The following PPM1H variants were observed in gnomAD, a reference collection of about 807,000 sequenced individuals.
PPM1H encodes the protein protein phosphatase 1H.
A neutral mutation model predicts 54.9 loss-of-function variants in PPM1H; 27 were observed. That is an observed-to-expected ratio of 0.49 (90% CI 0.36 to 0.68). The LOEUF (loss-of-function observed/expected upper bound fraction) is 0.68. Among genes scored for constraint, PPM1H ranks in the 30% least tolerant of loss-of-function variants. The pLI, the probability that PPM1H is intolerant of heterozygous loss-of-function variation, is 0.00. For synonymous variants in PPM1H, 305 were observed against 270.8 expected (o/e 1.13, Z -1.24); for missense variants, 596 against 667.8 (o/e 0.89, Z 1.19).
chr12:62,859,919 G>A lies in PPM1H; in HGVS notation c.246-27640C>T, dbSNP rs565780606. On this transcript the variant is annotated intron_variant, in intron 1 of 9. Coordinates refer to ENST00000228705, the MANE Select transcript of PPM1H (RefSeq NM_020700.2). ...ACAGAATTAAAAAGGAATACAGCAT[G>A]CGCTAACAGAGAACATTATAAACCC... Among the ~76,000 whole-genome samples the A allele has an allele frequency of 3.9e-5, 6 of 152,322 alleles. 1 individual carries two copies. The South Asian group carries it at 6.2e-4, about 16-fold the overall frequency.
intron 4 of PPM1H, among the ~76,000 whole-genome samples, chr12:62,785,324 G>C (rs1438862954): frequency 1.3e-5 from 2 of 152,154 alleles, no homozygotes; most frequent in Non-Finnish European, 2.9e-5. Flanking sequence ...CTACCGGCGT[G>C]TGCCGCCACA....
intron 1 of PPM1H, among the ~76,000 whole-genome samples, chr12:62,874,444 A>G (rs900744983): frequency 7.2e-5 from 11 of 152,308 alleles, no homozygotes; most frequent in African/African-American, 2.4e-4. Context: ...CAGGGCATAC[A>G]TCTAAAGTCA....
At chr12:62,892,380 G>C (rs1281161222) in intron 1 of PPM1H, among the ~76,000 whole-genome samples, 1 of 152,078 alleles carries the variant, frequency 6.6e-6, no homozygotes, top group East Asian at 1.9e-4. Context: ...TGCATAATTT[G>C]TCACCTAGGA....
At chr12:62,906,917 T>G (rs559938242) in intron 1 of PPM1H, among the ~76,000 whole-genome samples, 18 of 152,326 alleles carry the variant, frequency 1.2e-4, no homozygotes, top group Admixed American at 2.0e-4. Context: ...TCTGAAATGA[T>G]GAAGAATATA....
At chr12:62,664,333 T>C (rs999833243) in intron 9 of PPM1H, among the ~76,000 whole-genome samples, 1 of 152,238 alleles carries the variant, frequency 6.6e-6, no homozygotes, top group African/African-American at 2.4e-5. Flanking sequence ...TGTATTATTA[T>C]TCAGGCCCAG....
chr12:62,861,366 G>T (rs756207639), intron 1 of PPM1H, among the ~76,000 whole-genome samples: 9 of 152,160 alleles, frequency 5.9e-5, no homozygotes, highest in Non-Finnish European at 1.2e-4. Flanking sequence ...TCAAGTCCTG[G>T]AAACAGTAAG....
chr12:62,772,655 TCTGTGATGTGCTAAAACC>T (rs1266504589), intron 4 of PPM1H, among the ~76,000 whole-genome samples: 1 of 152,012 alleles, frequency 6.6e-6, no homozygotes, highest in African/African-American at 2.4e-5. Context: ...CAACTCTAGA[TCTGTGATGTGCTAAAACC>T]CTTATGAAGG....
chr12:62,678,727 G>C (rs1217553891), intron 8 of PPM1H, among the ~76,000 whole-genome samples: 4 of 151,568 alleles, frequency 2.6e-5, no homozygotes, highest in Non-Finnish European at 5.9e-5. Flanking sequence ...GTCTTACTCT[G>C]TTGCTCAGGC....
intron 4 of PPM1H, among the ~76,000 whole-genome samples, chr12:62,754,638 G>T (rs1009757986): frequency 1.3e-5 from 2 of 152,194 alleles, no homozygotes; most frequent in Non-Finnish European, 2.9e-5. Flanking sequence ...GCAGTCACTG[G>T]TGGTCTACCT....
In PPM1H at chr12:62,902,355, AAAT is replaced by A. The variant is rs903508211; in HGVS notation, c.245+32134_245+32136del. On this transcript the variant is annotated intron_variant, in intron 1 of 9. Coordinates refer to ENST00000228705, the MANE Select transcript of PPM1H (RefSeq NM_020700.2). ...GGCAAAAGAGCAAGACTCCAACTCA[AAAT>A]AATAATAATAATAATAATAAAATAA... 7.9e-4 allele frequency among the ~76,000 whole-genome samples: 119 copies of A among 151,448 alleles called. 2 individuals are homozygous for A. Among genetic ancestry groups the A allele is most frequent in the African/African-American group, 2.6e-3 (106 of 41,404 alleles).
chr12:62,811,866 G>A (rs956962202), intron 2 of PPM1H, among the ~76,000 whole-genome samples: 5 of 152,136 alleles, frequency 3.3e-5, no homozygotes, highest in African/African-American at 1.2e-4. Context: ...CCAATCTCTG[G>A]TATGTCTCAG....
chr12:62,736,147 G>T (rs963188757), intron 5 of PPM1H, among the ~76,000 whole-genome samples: 3 of 152,242 alleles, frequency 2.0e-5, no homozygotes, highest in Non-Finnish European at 4.4e-5. Flanking sequence ...ACAGGTGGCA[G>T]AGAGGCTAGC....
At chr12:62,922,443 T>C (rs180689142) in intron 1 of PPM1H, among the ~76,000 whole-genome samples, 1 of 152,274 alleles carries the variant, frequency 6.6e-6, no homozygotes, top group East Asian at 1.9e-4. Flanking sequence ...TTGATTTCTC[T>C]CTGGGGTTCA....
chr12:62,883,735 G>A (rs1456295447), intron 1 of PPM1H, among the ~76,000 whole-genome samples: 1 of 152,156 alleles, frequency 6.6e-6, no homozygotes, highest in Non-Finnish European at 1.5e-5. Context: ...TGAGGATAGA[G>A]TCAACTATCC....
At chr12:62,706,805 A>T (rs1160678691) in intron 6 of PPM1H, among the ~76,000 whole-genome samples, 1 of 152,212 alleles carries the variant, frequency 6.6e-6, no homozygotes, top group African/African-American at 2.4e-5. Context: ...TTAATTATTA[A>T]TTCTCTTCCT....
intron 6 of PPM1H, among the ~76,000 whole-genome samples, chr12:62,712,983 C>T (rs1683494385): frequency 6.6e-6 from 1 of 152,214 alleles, no homozygotes; most frequent in South Asian, 2.1e-4. Context: ...TCAATCTGCT[C>T]ATCCACTTCC....
chr12:62,782,777 G>A (rs1160325019), intron 4 of PPM1H, among the ~76,000 whole-genome samples: 2 of 152,138 alleles, frequency 1.3e-5, no homozygotes, highest in South Asian at 2.1e-4. Flanking sequence ...ATCAGAAAAT[G>A]CTTATATTAT....
At chr12:62,794,831 G>A (rs1045079434) in intron 3 of PPM1H, among the ~76,000 whole-genome samples, 1 of 152,076 alleles carries the variant, frequency 6.6e-6, no homozygotes, top group Non-Finnish European at 1.5e-5. Context: ...TGGGCCAAGC[G>A]ACAATATAAA....
At chr12:62,710,002 G>A (rs1259597275) in intron 6 of PPM1H, among the ~76,000 whole-genome samples, 2 of 152,092 alleles carry the variant, frequency 1.3e-5, no homozygotes, top group African/African-American at 4.8e-5. Context: ...CCCAGGAAGC[G>A]GAGGTTGCAG....
Sources: allele counts gnomAD v4.1 joint callset (sites outside exome capture counted in the v4.1 genomes callset), GRCh38; gene constraint gnomAD v4.1.1; transcripts MANE v1.5; gene names NCBI Gene and HGNC (gene_info 2026-07-23, HGNC 2026-07-21).